The following HECW2 variants were observed in gnomAD, a reference collection of about 807,000 sequenced individuals.
The protein encoded by HECW2 is HECT, C2 and WW domain containing E3 ubiquitin protein ligase 2.
Under a neutral mutation model 175.2 loss-of-function variants are expected in HECW2, and 61 were observed. That is an observed-to-expected ratio of 0.35 (90% confidence interval 0.28 to 0.43). HECW2 has a LOEUF of 0.43. Ranked by LOEUF, HECW2 falls within the 20% of genes least tolerant of loss-of-function variation. The probability of loss-of-function intolerance (pLI) is 1.00; values close to 1 mark genes in which losing one functional copy is unlikely to be tolerated. For synonymous variants in HECW2, 671 were observed against 731.0 expected (o/e 0.92, Z 1.32); for missense variants, 1,524 against 2,000.5 (o/e 0.76, Z 4.54).
intron 2 of HECW2, among the ~76,000 whole-genome samples, chr2:196,353,651 A>G (rs1233468099): frequency 1.3e-5 from 2 of 152,250 alleles, no homozygotes; most frequent in African/African-American, 4.8e-5. Context: ...CTGAAGGCTG[A>G]AAGACCACAC....
chr2:196,556,859 A>G (rs1434091133), intron 1 of HECW2, among the ~76,000 whole-genome samples: 1 of 152,234 alleles, frequency 6.6e-6, no homozygotes, highest in Non-Finnish European at 1.5e-5. Flanking sequence ...TTGTGAACAA[A>G]CTTAAAAGGC....
chr2:196,213,802 T>C (rs552767412), intron 28 of HECW2, among the ~76,000 whole-genome samples: 2 of 152,308 alleles, frequency 1.3e-5, no homozygotes. Flanking sequence ...AAATCCAGCC[T>C]GACCCTCAAG....
intron 2 of HECW2, among the ~76,000 whole-genome samples, chr2:196,374,768 C>G (rs867293654): frequency 2.6e-5 from 4 of 151,744 alleles, no homozygotes; most frequent in Middle Eastern, 3.4e-3. Context: ...ATACAAGTAT[C>G]ATCCACCATA....
chr2:196,572,052 T>C (rs1411910015), intron 1 of HECW2, among the ~76,000 whole-genome samples: 1 of 152,162 alleles, frequency 6.6e-6, no homozygotes, highest in African/African-American at 2.4e-5. Flanking sequence ...ACTGTATGAG[T>C]CCACTTATAT....
At chr2:196,576,981 G>T (rs1023459150) in intron 1 of HECW2, among the ~76,000 whole-genome samples, 4 of 152,150 alleles carry the variant, frequency 2.6e-5, no homozygotes, top group African/African-American at 9.6e-5. Context: ...ATACAGGAAG[G>T]AAAATGGCTG....
intron 2 of HECW2, among the ~76,000 whole-genome samples, chr2:196,397,977 G>A (rs1459860543): frequency 6.6e-6 from 1 of 152,186 alleles, no homozygotes; most frequent in Non-Finnish European, 1.5e-5. Flanking sequence ...CCTGCAGAAA[G>A]CATACCCTTC....
At chr2:196,566,473 T>A (rs1690192122) in intron 1 of HECW2, among the ~76,000 whole-genome samples, 1 of 151,856 alleles carries the variant, frequency 6.6e-6, no homozygotes, top group Non-Finnish European at 1.5e-5. Context: ...AATATCTTCA[T>A]AATTAAAAAC....
At chr2:196,361,930 A>C in intron 2 of HECW2, 1 of 985,396 alleles carries the variant, frequency 1.0e-6, no homozygotes, top group Non-Finnish European at 1.2e-6. Context: ...TGGCAGTTTC[A>C]TTCATAGGAG....
At chr2:196,561,568 T>A (rs1690001900) in intron 1 of HECW2, among the ~76,000 whole-genome samples, 1 of 152,196 alleles carries the variant, frequency 6.6e-6, no homozygotes, top group Admixed American at 6.5e-5. Flanking sequence ...TCAGGAGGCA[T>A]CATGGAACCT....
intron 1 of HECW2, among the ~76,000 whole-genome samples, chr2:196,563,107 T>C (rs1463633172): frequency 1.3e-5 from 2 of 152,154 alleles, no homozygotes; most frequent in Admixed American, 1.3e-4. Flanking sequence ...TAATCTTCAA[T>C]AATTAAGAGG....
At chr2:196,325,878 A>G (rs1462224883) in intron 5 of HECW2, among the ~76,000 whole-genome samples, 2 of 152,234 alleles carry the variant, frequency 1.3e-5, no homozygotes, top group African/African-American at 4.8e-5. Flanking sequence ...ATATGCTGCT[A>G]AAAGTCCTAG....
At position 196,433,441 on chromosome 2, in the gene HECW2, G is replaced by A; in HGVS notation, c.-18C>T. The A allele has an allele frequency of 6.2e-7, 1 of 1,606,268 alleles. No individual in the cohort carries two copies. Among genetic ancestry groups the A allele is most frequent in the South Asian group, 1.1e-5 (1 of 90,314 alleles). On this transcript the variant is annotated 5_prime_UTR_variant, in exon 2 of 29. Coordinates refer to ENST00000644978, the MANE Select transcript of HECW2 (RefSeq NM_001348768.2). ...CTAGCCATCCCGTCTGCTTCTCTGG[G>A]ATTGGCTGCCTACAAAGCTGCAAGA... is the stretch of plus-strand genomic sequence containing the variant.
chr2:196,436,909 T>C (rs1695893962), intron 1 of HECW2, among the ~76,000 whole-genome samples: 1 of 152,170 alleles, frequency 6.6e-6, no homozygotes, highest in Admixed American at 6.5e-5. Flanking sequence ...TTAACAAATT[T>C]GTGGGGACAA....
intron 17 of HECW2, among the ~76,000 whole-genome samples, chr2:196,258,649 T>C (rs894946044): frequency 1.4e-4 from 21 of 152,216 alleles, no homozygotes; most frequent in Non-Finnish European, 2.6e-4. Context: ...CAATTTGTTA[T>C]ATGAATACAA....
chr2:196,491,721 T>C (rs1436205559), intron 1 of HECW2, among the ~76,000 whole-genome samples: 1 of 151,946 alleles, frequency 6.6e-6, no homozygotes, highest in African/African-American at 2.4e-5. Flanking sequence ...TAATCAAAAC[T>C]AGTTTTCAAG....
At chr2:196,252,377 T>C (rs2105910919) in intron 19 of HECW2, among the ~76,000 whole-genome samples, 1 of 152,182 alleles carries the variant, frequency 6.6e-6, no homozygotes, top group South Asian at 2.1e-4. Context: ...TGGATGTTTG[T>C]TCCCTCTAAA....
intron 1 of HECW2, among the ~76,000 whole-genome samples, chr2:196,542,095 C>G (rs1689235740): frequency 6.6e-6 from 1 of 151,846 alleles, no homozygotes; most frequent in Non-Finnish European, 1.5e-5. Context: ...AACCCCTTCT[C>G]TACTAAAAAA....
At chr2:196,326,184 T>TAGG (rs1692143916) in intron 5 of HECW2, among the ~76,000 whole-genome samples, 1 of 152,176 alleles carries the variant, frequency 6.6e-6, no homozygotes, top group Non-Finnish European at 1.5e-5. Context: ...TCTTAAATTA[T>TAGG]AGGAGGTCAC....
intron 1 of HECW2, among the ~76,000 whole-genome samples, chr2:196,458,556 T>A (rs556893022): frequency 1.3e-5 from 2 of 151,960 alleles, no homozygotes; most frequent in Non-Finnish European, 2.9e-5. Flanking sequence ...TGGAAAACTG[T>A]GAAACCAGAT....
Sources: allele counts gnomAD v4.1 joint callset (sites outside exome capture counted in the v4.1 genomes callset), GRCh38; gene constraint gnomAD v4.1.1; transcripts MANE v1.5; gene names NCBI Gene and HGNC (gene_info 2026-07-23, HGNC 2026-07-21).